The following UVSSA variants were observed in gnomAD, a reference collection of about 807,000 sequenced individuals.
UVSSA encodes the protein UV-stimulated scaffold protein A.
A neutral mutation model predicts 73.9 loss-of-function variants in UVSSA; 72 were observed. That is an observed-to-expected ratio of 0.97 (90% CI 0.81 to 1.19). The LOEUF is 1.19. Ranked by LOEUF, UVSSA falls within the 50% of genes most tolerant of loss-of-function variation. UVSSA has a pLI of 0.00. For synonymous variants in UVSSA, 454 were observed against 391.3 expected (o/e 1.16, Z -1.89); for missense variants, 1,150 against 965.0 (o/e 1.19, Z -2.54).
chr4:1,395,577 C>T lies in UVSSA; in HGVS notation c.*9616C>T, dbSNP rs745481624. ...CATGTGGAGTGCCCGCCTGCTCACACGTGCCCATGTGGAGTGCCCGCCTGC... is the reference window on the plus strand; with the variant it reads ...CATGTGGAGTGCCCGCCTGCTCACATGTGCCCATGTGGAGTGCCCGCCTGC... On this transcript the variant is annotated 3_prime_UTR_variant, in exon 14 of 14. Transcript: ENST00000511216. 5.8e-5 allele frequency: 93 copies of T among 1,603,830 alleles called. No individual in the cohort carries two copies. The highest frequency in any genetic ancestry group is 2.0e-4 in the South Asian group (18 of 90,384).
rs1714759055 is a variant in UVSSA, at chr4:1,351,589, C to T, written c.430-126C>T. 1.2e-5 allele frequency: 12 copies of T among 985,452 alleles called. No individual in the cohort carries two copies. The South Asian group carries it at 2.0e-4, about 16-fold the overall frequency. The allele number at this position is 985,452 out of a possible 1,614,324, so 61.0% of individuals were successfully genotyped here. A position where few individuals can be genotyped will look rare whatever the true frequency, so the allele number is the denominator to read the frequency against. ...TATTTTTAGTAGAGATGGGGTTTCA[C>T]CGTGTTAGCCAGGATGGTCTCGATC... is the stretch of plus-strand genomic sequence containing the variant. On this transcript the variant is annotated intron_variant, in intron 3 of 13. Coordinates refer to ENST00000389851, the MANE Select transcript of UVSSA (RefSeq NM_020894.4).
At chr4:1,350,543 G>T (rs1431084128) in intron 3 of UVSSA, among the ~76,000 whole-genome samples, 1 of 152,218 alleles carries the variant, frequency 6.6e-6, no homozygotes, top group Non-Finnish European at 1.5e-5. Flanking sequence ...AGGTACTTGG[G>T]GTGAGAAGTC....
intron 13 of UVSSA, 149 bp downstream of exon 13, chr4:1,384,089 T>C (rs1719827077): frequency 2.0e-6 from 2 of 1,003,426 alleles, no homozygotes; most frequent in East Asian, 2.7e-5. Flanking sequence ...CCACCCAGCC[T>C]TTCCCCGGGG....
chr4:1,375,231 C>T (rs1718610604), intron 8 of UVSSA, 133 bp from the exon 9 acceptor site: 4 of 1,429,958 alleles, frequency 2.8e-6, no homozygotes, highest in African/African-American at 2.8e-5. Context: ...GAGCAGATAG[C>T]AGGCACCCAC....
At chr4:1,368,560 C>T (rs1717628946) in intron 8 of UVSSA, among the ~76,000 whole-genome samples, 1 of 152,252 alleles carries the variant, frequency 6.6e-6, no homozygotes, top group African/African-American at 2.4e-5. Flanking sequence ...AGCCCATCGA[C>T]AATAGCGTCC....
intron 7 of UVSSA, among the ~76,000 whole-genome samples, chr4:1,363,396 T>A (rs1716908749): frequency 6.6e-6 from 1 of 151,974 alleles, no homozygotes; most frequent in Non-Finnish European, 1.5e-5. Flanking sequence ...AGCAGTTGAA[T>A]ATTTTTTAGG....
In UVSSA at chr4:1,353,203, A is replaced by T; in HGVS notation, c.724A>T (p.Thr242Ser). The change falls in exon 5 of 14, where the codon ACC becomes TCC. Residue 242 changes from threonine to serine, a missense_variant. Coordinates refer to ENST00000389851, the MANE Select transcript of UVSSA (RefSeq NM_020894.4). ...CCAGGTGGGCCCCTGCCGGTCTGGC[A>T]CCCCTGACCCCCGGGACGGGGAGCA... ...AGQVGPCRSG[T>S]PDPRDGEQPC... is the part of the protein sequence containing the mutation. 6.2e-7 allele frequency: 1 copy of T among 1,612,500 alleles called. No homozygotes were observed. Among genetic ancestry groups the T allele is most frequent in the Non-Finnish European group, 8.5e-7 (1 of 1,179,908 alleles).
intron 5 of UVSSA, among the ~76,000 whole-genome samples, chr4:1,353,641 AG>A (rs1715166034): frequency 6.6e-6 from 1 of 152,180 alleles, no homozygotes; most frequent in Admixed American, 6.5e-5. Flanking sequence ...AGCTCATGGC[AG>A]CCCCCACCTC....
intron 2 of UVSSA, among the ~76,000 whole-genome samples, chr4:1,348,565 A>G (rs779323467): frequency 6.6e-6 from 1 of 152,204 alleles, no homozygotes; most frequent in Non-Finnish European, 1.5e-5. Context: ...CATCGCCTTT[A>G]GGGTATGTCC....
exon 14 of UVSSA, chr4:1,395,675 G>A (rs993146357): frequency 4.9e-5 from 79 of 1,611,626 alleles, no homozygotes; most frequent in Non-Finnish European, 6.1e-5. Context: ...GCTCACACAC[G>A]TGCCCATGTG....
intron 12 of UVSSA, among the ~76,000 whole-genome samples, 176 bp from the exon 13 acceptor site, chr4:1,383,590 C>T (rs1485247799): frequency 6.6e-6 from 1 of 152,200 alleles, no homozygotes; most frequent in African/African-American, 2.4e-5. Flanking sequence ...GCCTGTTGCT[C>T]AGGGAACCCT....
chr4:1,354,056 C>A (rs940067643), intron 5 of UVSSA, among the ~76,000 whole-genome samples: 3 of 152,218 alleles, frequency 2.0e-5, no homozygotes, highest in South Asian at 4.1e-4. Context: ...CTTTGAGGAA[C>A]CTTCTTCTTT....
At chr4:1,382,540 A>G (rs1719630082) in intron 12 of UVSSA, among the ~76,000 whole-genome samples, 2 of 152,130 alleles carry the variant, frequency 1.3e-5, no homozygotes, top group Non-Finnish European at 2.9e-5. Context: ...TTGCTCCTTC[A>G]TTTCACTGAG....
At chr4:1,343,016 T>C (rs1003279021), upstream of UVSSA, among the ~76,000 whole-genome samples, 51 of 152,220 alleles carry the variant, frequency 3.4e-4, no homozygotes, top group Non-Finnish European at 2.8e-4. Context: ...CAGTGTCTGC[T>C]GAACACTGTA....
chr4:1,358,744 T>A (rs1716176715), intron 7 of UVSSA, among the ~76,000 whole-genome samples: 1 of 152,264 alleles, frequency 6.6e-6, no homozygotes, highest in Admixed American at 6.5e-5. Context: ...TGCTCCTCGT[T>A]AATTTTCAAA....
intron 11 of UVSSA, 50 bp downstream of exon 11, chr4:1,380,280 G>T: frequency 6.4e-7 from 1 of 1,569,098 alleles, no homozygotes; most frequent in South Asian, 1.1e-5. Context: ...GACCAGGTGG[G>T]GCAGCCAGAG....
At chr4:1,357,241 G>C (rs1288391053) in intron 7 of UVSSA, among the ~76,000 whole-genome samples, 1 of 151,370 alleles carries the variant, frequency 6.6e-6, no homozygotes, top group Admixed American at 6.6e-5. Flanking sequence ...GGTTATTGGT[G>C]AGGGTCCACA....
intron 7 of UVSSA, among the ~76,000 whole-genome samples, chr4:1,357,537 A>G (rs955053288): frequency 6.6e-6 from 1 of 152,192 alleles, no homozygotes; most frequent in Non-Finnish European, 1.5e-5. Context: ...TTGGGTGAGG[A>G]TGAGGAGCTG....
At chr4:1,354,885 T>C in intron 6 of UVSSA, 38 bp downstream of exon 6, 1 of 1,406,990 alleles carries the variant, frequency 7.1e-7, no homozygotes, top group Non-Finnish European at 9.9e-7. Context: ...TGGAGGGACG[T>C]GTGCAGAGTG....
Sources: gnomAD v4.1 joint callset for allele counts (sites outside exome capture counted in the v4.1 genomes callset) on GRCh38, gnomAD v4.1.1 for gene constraint, MANE v1.5 for transcripts, NCBI Gene and HGNC (gene_info 2026-07-23, HGNC 2026-07-21) for gene names.